Variants in ANKRD30A observed in about 807,000 individuals in gnomAD.
ANKRD30A encodes the protein ankyrin repeat domain-containing protein 30A.
A neutral mutation model predicts 166.3 loss-of-function variants in ANKRD30A; 170 were observed. The observed-to-expected ratio is 1.02, with a 90% CI of 0.90 to 1.16. The LOEUF (loss-of-function observed/expected upper bound fraction) is 1.16, where lower values mean the gene tolerates loss of function less well. Among genes scored for constraint, ANKRD30A ranks in the 50% most tolerant of loss-of-function variants. The pLI is 0.00. For missense variants in ANKRD30A, 1,630 were observed against 1,518.0 expected (o/e 1.07, Z -1.23); for synonymous variants, 564 against 508.9 (o/e 1.11, Z -1.46).
intron 6 of ANKRD30A, among the ~76,000 whole-genome samples, chr10:37,139,077 T>C (rs965075540): frequency 6.6e-6 from 1 of 152,228 alleles, no homozygotes; most frequent in African/African-American, 2.4e-5. Flanking sequence ...ATATTCAACA[T>C]TCTTAAAGAA....
chr10:37,129,568 G>A (rs576094036), intron 1 of ANKRD30A, among the ~76,000 whole-genome samples: 1 of 152,242 alleles, frequency 6.6e-6, no homozygotes, highest in East Asian at 1.9e-4. Context: ...GATAACTGCT[G>A]TGTTCATCTT....
chr10:37,218,230 G>A lies in ANKRD30A; in HGVS notation c.3267+352G>A, dbSNP rs937417105. Among the ~76,000 whole-genome samples the A allele has an allele frequency of 5.3e-5, 8 of 150,862 alleles. No individual in the cohort carries two copies. In the Admixed American group the frequency reaches 5.3e-4, roughly 10 times the overall value. ...AGAGGAAGCAAAAGTTACAGCCATA[G>A]TAAATAAGCTCATGGTTTTCTATGT... On this transcript the variant is annotated intron_variant, in intron 33 of 35. Coordinates refer to ENST00000361713, the MANE Select transcript of ANKRD30A (RefSeq NM_052997.3).
At chr10:37,260,742 A>G in the ANKRD30A span, among the ~76,000 whole-genome samples, 5 of 152,216 alleles carry the variant, frequency 3.3e-5, no homozygotes, top group Admixed American at 2.0e-4. Context: ...ATTTGGACAC[A>G]AAAGTCTTTA....
At chr10:37,235,715 T>C (rs186301092), downstream of ANKRD30A, among the ~76,000 whole-genome samples, 11 of 152,066 alleles carry the variant, frequency 7.2e-5, no homozygotes, top group Non-Finnish European at 1.6e-4. Flanking sequence ...TAGTGAATAT[T>C]GTATTTGTTG....
At chr10:37,240,123 T>C in the ANKRD30A span, among the ~76,000 whole-genome samples, 2 of 152,172 alleles carry the variant, frequency 1.3e-5, no homozygotes, top group Non-Finnish European at 2.9e-5. Context: ...GATAGTATGC[T>C]AATTATTTTT....
In ANKRD30A at chr10:37,166,639, G is replaced by C. The variant is rs541345637; in HGVS notation, c.2099G>C (p.Cys700Ser). Reference protein sequence around the residue: ...LCETVSQKDVCLPKAAHQKEI... With the variant: ...LCETVSQKDVSLPKAAHQKEI... ...GAGACTGTTTCACAGAAGGATGTGT[G>C]TTTACCCAAGGCTGCGCATCAAAAA... The change falls in exon 19 of 36, where the codon TGT (cysteine) becomes TCT (serine). Residue 700 changes from cysteine to serine, a missense_variant. Physicochemically the swap from Cys to Ser is moderately radical, Grantham distance 112. Around this residue, in one of 4 missense-constraint regions of ANKRD30A, gnomAD observed 12 missense variants for 27.4 expected, o/e 0.44. Coordinates refer to ENST00000361713, the MANE Select transcript of ANKRD30A (RefSeq NM_052997.3). 1.9e-6 allele frequency: 3 copies of C among 1,598,886 alleles called. No individual in the cohort carries two copies. The African/African-American group carries it at 4.1e-5, about 22-fold the overall frequency.
chr10:37,139,641 A>T (rs1836963630), intron 6 of ANKRD30A, among the ~76,000 whole-genome samples: 1 of 152,238 alleles, frequency 6.6e-6, no homozygotes, highest in Non-Finnish European at 1.5e-5. Context: ...ATTTGTGTCT[A>T]TGTCCTATAA....
chr10:37,201,233 A>T lies in ANKRD30A; in HGVS notation c.2779-2A>T. The T allele has an allele frequency of 6.5e-7, 1 of 1,544,734 alleles. No homozygotes were observed. The highest frequency in any genetic ancestry group is 8.7e-7 in the Non-Finnish European group (1 of 1,149,192). On this transcript the variant is annotated splice_acceptor_variant, in intron 30 of 35. Coordinates refer to ENST00000361713, the MANE Select transcript of ANKRD30A (RefSeq NM_052997.3). LOFTEE classifies it high-confidence loss of function. The stretch of plus-strand genomic sequence containing the variant: ...ATTATTTATTGATATTACTTTTAAC[A>T]GAGTCTCCGTGAGACTGTTTCACAG...
At chr10:37,163,260 C>T (rs1401314867) in intron 17 of ANKRD30A, among the ~76,000 whole-genome samples, 126 of 106,338 alleles carry the variant, frequency 1.2e-3, no homozygotes, top group African/African-American at 4.4e-3. Context: ...TACCTTGTTT[C>T]CGGTGTTGTC....
intron 34 of ANKRD30A, among the ~76,000 whole-genome samples, chr10:37,226,636 A>T (rs1203009374): frequency 6.6e-6 from 1 of 151,820 alleles, no homozygotes; most frequent in Non-Finnish European, 1.5e-5. Flanking sequence ...GGCTAATATT[A>T]ATAGTGCTGC....
At chr10:37,150,227 AC>A (rs1343364271) in intron 11 of ANKRD30A, among the ~76,000 whole-genome samples, 3 of 151,918 alleles carry the variant, frequency 2.0e-5, no homozygotes, top group Admixed American at 2.0e-4. Flanking sequence ...CTGATATAAC[AC>A]TTGTGTTTTA....
intron 34 of ANKRD30A, among the ~76,000 whole-genome samples, chr10:37,230,843 G>A (rs1225788804): frequency 6.6e-6 from 1 of 152,064 alleles, no homozygotes; most frequent in Non-Finnish European, 1.5e-5. Flanking sequence ...ACCTTGGTTA[G>A]CCTGAAGGTT....
At chr10:37,152,232 A>T in intron 12 of ANKRD30A, 111 bp downstream of exon 12, 1 of 866,002 alleles carries the variant, frequency 1.2e-6, no homozygotes, top group Middle Eastern at 2.4e-4. Flanking sequence ...CCCCGAAATT[A>T]TTTTTGATAT....
At chr10:37,248,684 G>T in the ANKRD30A span, among the ~76,000 whole-genome samples, 1 of 151,762 alleles carries the variant, frequency 6.6e-6, no homozygotes, top group Admixed American at 6.6e-5. Flanking sequence ...TAGGAACTCA[G>T]GGATCACGAG....
At chr10:37,201,468 A>G (rs545113456) in intron 31 of ANKRD30A, 143 bp downstream of exon 31, 6 of 518,540 alleles carry the variant, frequency 1.2e-5, no homozygotes, top group East Asian at 8.9e-5. Flanking sequence ...GTCATAAGTT[A>G]TATGTCTCAT....
rs1424952808 is a variant in ANKRD30A, at chr10:37,219,557, A to C, written c.3845A>C (p.Glu1282Ala). Residue 1282 changes from glutamate (E) to alanine (A), a missense_variant, in exon 34 of 36, where the codon GAA becomes GCA. Around this residue, in one of 4 missense-constraint regions of ANKRD30A, gnomAD observed 712 missense variants for 629.3 expected, o/e 1.13. Transcript: ENST00000361713. ...CTAAGAGAAAATACATTGGTTTCAGAACATGCACAAAGAGACCAACGTGAA... is the reference window on the plus strand; with the variant it reads ...CTAAGAGAAAATACATTGGTTTCAGCACATGCACAAAGAGACCAACGTGAA... ...DALRENTLVS[E>A]HAQRDQRETQ... The C allele has an allele frequency of 2.5e-6, 4 of 1,610,388 alleles. No homozygotes were observed. The highest frequency in any genetic ancestry group is 3.4e-6 in the Non-Finnish European group (4 of 1,177,708).
rs1178180483 is a variant in ANKRD30A at position 37,129,923 on chromosome 10, C to T, written c.252C>T (p.Gly84=). 3 of 1,568,774 alleles carry T rather than the reference C, an allele frequency of 1.9e-6. No homozygotes were observed. Among genetic ancestry groups the T allele is most frequent in the African/African-American group, 1.4e-5 (1 of 72,944 alleles). Residue 84 remains glycine (G), a synonymous_variant, in exon 2 of 36, where the codon GGC becomes GGT. Coordinates refer to ENST00000361713, the MANE Select transcript of ANKRD30A (RefSeq NM_052997.3). ...CTCTACACTGGGCCTGTGTCAATGG[C>T]CATGAGGAAGTAGTAACATTTCTGG... The part of the protein sequence containing the change: ...RTALHWACVN[G]HEEVVTFLVD...
At chr10:37,222,344 A>G (rs776756617) in intron 34 of ANKRD30A, among the ~76,000 whole-genome samples, 10 of 151,336 alleles carry the variant, frequency 6.6e-5, no homozygotes, top group Admixed American at 2.0e-4. Flanking sequence ...CATTTCATAG[A>G]AATGGAGTCA....
At chr10:37,145,264 G>C (rs1243342973) in intron 8 of ANKRD30A, among the ~76,000 whole-genome samples, 1 of 152,188 alleles carries the variant, frequency 6.6e-6, no homozygotes, top group African/African-American at 2.4e-5. Flanking sequence ...GATCACCTGA[G>C]TTCAGGAGTT....
Sources: allele counts gnomAD v4.1 joint callset (sites outside exome capture counted in the v4.1 genomes callset), GRCh38; gene constraint gnomAD v4.1.1; regional missense constraint gnomAD v4.1.1; transcripts MANE v1.5; gene names NCBI Gene and HGNC (gene_info 2026-07-23, HGNC 2026-07-21).